The following SHISA9 variants were observed in gnomAD, a reference collection of about 807,000 sequenced individuals.
The protein encoded by SHISA9 is shisa family member 9, also known as protein shisa-9.
In SHISA9, 13 loss-of-function variants were observed where a neutral mutation model predicts 38.0. The observed-to-expected ratio is 0.34, with a 90% confidence interval of 0.22 to 0.54. The LOEUF is 0.54. Among genes scored for constraint, SHISA9 ranks in the 20% least tolerant of loss-of-function variants. SHISA9 has a pLI of 0.91. For missense variants in SHISA9, 538 were observed against 575.8 expected (o/e 0.93, Z 0.67); for synonymous variants, 275 against 242.0 (o/e 1.14, Z -1.27).
intron 2 of SHISA9, among the ~76,000 whole-genome samples, chr16:13,133,834 A>G (rs752298759): frequency 1.3e-5 from 2 of 152,206 alleles, no homozygotes; most frequent in Non-Finnish European, 2.9e-5. Flanking sequence ...TCAGTGTTAA[A>G]TCAAAGGGGG....
At chr16:13,137,817 C>G (rs781636877) in intron 2 of SHISA9, among the ~76,000 whole-genome samples, 2 of 152,194 alleles carry the variant, frequency 1.3e-5, no homozygotes, top group Non-Finnish European at 2.9e-5. Context: ...CTGCATCTAA[C>G]TATTCCTGGG....
At chr16:13,463,950 T>G in the SHISA9 span, among the ~76,000 whole-genome samples, 1 of 152,216 alleles carries the variant, frequency 6.6e-6, no homozygotes, top group Non-Finnish European at 1.5e-5. Flanking sequence ...TTTAAAAATT[T>G]TTTCCTAGTT....
the SHISA9 span, among the ~76,000 whole-genome samples, chr16:13,551,845 G>A: frequency 1.3e-5 from 2 of 152,154 alleles, no homozygotes; most frequent in Non-Finnish European, 2.9e-5. Context: ...TGGCCAGCAT[G>A]GTGAAACCCC....
the SHISA9 span, among the ~76,000 whole-genome samples, chr16:13,465,958 G>A: frequency 6.6e-6 from 1 of 152,234 alleles, no homozygotes; most frequent in Non-Finnish European, 1.5e-5. Context: ...AGACTGCATG[G>A]CCTGAAAGGC....
chr16:13,340,976 T>C, the SHISA9 span, among the ~76,000 whole-genome samples: 2 of 152,220 alleles, frequency 1.3e-5, no homozygotes, highest in Non-Finnish European at 2.9e-5. Context: ...CTGTGGGTTT[T>C]CATTGCACTG....
At chr16:13,423,310 C>A in the SHISA9 span, among the ~76,000 whole-genome samples, 4 of 152,158 alleles carry the variant, frequency 2.6e-5, no homozygotes, top group African/African-American at 9.7e-5. Context: ...CTTGTATTTA[C>A]CCTGGAGATT....
At chr16:13,440,397 T>C in the SHISA9 span, among the ~76,000 whole-genome samples, 1 of 152,188 alleles carries the variant, frequency 6.6e-6, no homozygotes, top group Non-Finnish European at 1.5e-5. Flanking sequence ...TGCTGCTGTG[T>C]TGGGAATCAG....
the SHISA9 span, among the ~76,000 whole-genome samples, chr16:13,266,415 T>C: frequency 1.6e-5 from 2 of 128,022 alleles, no homozygotes; most frequent in Admixed American, 1.5e-4. Context: ...TCTCTGTCTC[T>C]AAGAGCCTGG....
intron 2 of SHISA9, among the ~76,000 whole-genome samples, chr16:12,992,154 C>A (rs141825682): frequency 6.6e-6 from 1 of 151,958 alleles, no homozygotes; most frequent in African/African-American, 2.4e-5. Flanking sequence ...ATAAGTTTAA[C>A]GCTGATAAGT....
chr16:13,204,037 T>TCATC (rs573247514), intron 3 of SHISA9, among the ~76,000 whole-genome samples: 9 of 152,074 alleles, frequency 5.9e-5, no homozygotes, highest in East Asian at 1.9e-4. Context: ...TATCTATCTA[T>TCATC]CATCCATCCA....
the SHISA9 span, among the ~76,000 whole-genome samples, chr16:13,345,070 T>A: frequency 6.6e-6 from 1 of 152,306 alleles, no homozygotes; most frequent in Admixed American, 6.5e-5. Context: ...GTTTAGTGGG[T>A]CACCCAAGCT....
chr16:12,992,895 A>T (rs2072406378), intron 2 of SHISA9, among the ~76,000 whole-genome samples: 1 of 152,230 alleles, frequency 6.6e-6, no homozygotes, highest in Non-Finnish European at 1.5e-5. Context: ...TCTTCCCCAC[A>T]GTGCTATGAG....
intron 2 of SHISA9, among the ~76,000 whole-genome samples, chr16:13,187,970 T>C (rs558688166): frequency 6.6e-6 from 1 of 152,316 alleles, no homozygotes; most frequent in Admixed American, 6.5e-5. Context: ...AGAGACTTGC[T>C]GTAGATCACG....
At chr16:13,262,657 GAA>G in the SHISA9 span, among the ~76,000 whole-genome samples, 6 of 101,294 alleles carry the variant, frequency 5.9e-5, no homozygotes, top group South Asian at 3.5e-4. Context: ...AGGAAGGAAG[GAA>G]GGAAGGAAGG....
the SHISA9 span, among the ~76,000 whole-genome samples, chr16:13,525,856 G>C: frequency 1.1e-4 from 17 of 152,238 alleles, no homozygotes; most frequent in African/African-American, 3.9e-4. Context: ...ATATTGCAAA[G>C]TGTTGTACAA....
At chr16:13,394,311 G>A in the SHISA9 span, among the ~76,000 whole-genome samples, 1 of 152,188 alleles carries the variant, frequency 6.6e-6, no homozygotes, top group African/African-American at 2.4e-5. Flanking sequence ...CTTGTTTACA[G>A]AGGCCAGTGA....
the SHISA9 span, among the ~76,000 whole-genome samples, chr16:13,285,475 T>G: frequency 6.7e-6 from 1 of 149,412 alleles, no homozygotes; most frequent in Non-Finnish European, 1.5e-5. Flanking sequence ...TTTTTTTTTT[T>G]TTTTTTTTTT....
At chr16:13,472,685 C>T in the SHISA9 span, among the ~76,000 whole-genome samples, 1 of 146,560 alleles carries the variant, frequency 6.8e-6, no homozygotes, top group Non-Finnish European at 1.5e-5. Context: ...AGCCACAATG[C>T]CCGGCCTCTG....
At chr16:13,269,623 G>C in the SHISA9 span, among the ~76,000 whole-genome samples, 1 of 152,174 alleles carries the variant, frequency 6.6e-6, no homozygotes, top group African/African-American at 2.4e-5. Context: ...AACAAATAAA[G>C]GAGGTAAACA....
Sources: allele counts gnomAD v4.1 joint callset (sites outside exome capture counted in the v4.1 genomes callset), GRCh38; gene constraint gnomAD v4.1.1; transcripts MANE v1.5; gene names NCBI Gene and HGNC (gene_info 2026-07-23, HGNC 2026-07-21).